The following SLC35F5 variants were observed in gnomAD, a reference collection of about 807,000 sequenced individuals.
The protein encoded by SLC35F5 is solute carrier family 35 member F5, also known as HCV NS5A-transactivated protein 3.
In SLC35F5, 54 loss-of-function variants were observed where a neutral mutation model predicts 68.6. The ratio of observed to expected loss-of-function variants is 0.79; its 90% CI spans 0.63 to 0.99. The LOEUF is 0.99. SLC35F5 is among the 50% of genes least tolerant of loss of function. The pLI, the probability that SLC35F5 is intolerant of heterozygous loss-of-function variation, is 0.00. For synonymous variants in SLC35F5, 211 were observed against 205.2 expected, an observed-to-expected ratio of 1.03 and a Z score of -0.24; for missense variants, 567 against 626.9, an observed-to-expected ratio of 0.90 and a Z score of 1.02.
At chr2:113,704,552 G>A (rs919377248), downstream of SLC35F5, among the ~76,000 whole-genome samples, 4 of 152,144 alleles carry the variant, frequency 2.6e-5, no homozygotes, top group African/African-American at 9.7e-5. Flanking sequence ...CCTGCCCCGC[G>A]GGGAGGCAGC....
intron 10 of SLC35F5, among the ~76,000 whole-genome samples, chr2:113,730,610 T>C (rs917823543): frequency 2.0e-5 from 3 of 152,210 alleles, no homozygotes; most frequent in African/African-American, 7.2e-5. Context: ...AATCTAGGTT[T>C]ATTTTTTATT....
intron 7 of SLC35F5, among the ~76,000 whole-genome samples, chr2:113,740,882 C>A (rs573528159): frequency 6.6e-6 from 1 of 152,114 alleles, no homozygotes; most frequent in Non-Finnish European, 1.5e-5. Flanking sequence ...ACCTCAGCCT[C>A]CCAAAGTGCT....
chr2:113,725,708 TAGAA>T, intron 11 of SLC35F5, 171 bp from the exon 12 acceptor site: 1 of 463,436 alleles, frequency 2.2e-6, no homozygotes, highest in Non-Finnish European at 3.8e-6. Context: ...CTCAACGCCA[TAGAA>T]AAAAAAACTG....
rs1275617511 is a variant in SLC35F5, at chr2:113,711,472, T to C, written c.*3746A>G. On this transcript the variant is annotated 3_prime_UTR_variant, in exon 16 of 16. Coordinates refer to ENST00000245680, the MANE Select transcript of SLC35F5 (RefSeq NM_025181.5). ...CACATACAATGTACCTATGAAATAC[T>C]GTATTATTAGTTATTGTACAGGCAA... Among the ~76,000 whole-genome samples the C allele has an allele frequency of 4.6e-5, 7 of 152,196 alleles. No individual in the cohort carries two copies. Among genetic ancestry groups the C allele is most frequent in the Non-Finnish European group, 8.8e-5 (6 of 68,024 alleles).
At chr2:113,735,627 C>G (rs1318538632) in intron 8 of SLC35F5, 150 bp downstream of exon 8, 4 of 503,014 alleles carry the variant, frequency 8.0e-6, no homozygotes, top group Non-Finnish European at 1.4e-5. Flanking sequence ...TGACTGTATA[C>G]AGATTAAAAG....
rs112020441 is a variant in SLC35F5 at position 113,755,830 on chromosome 2, T to C, written c.41-286A>G. 7,835 of 1,548,250 alleles carry C rather than the reference T, an allele frequency of 5.1e-3. 329 individuals are homozygous for C. In the African/African-American group the frequency reaches 0.087, roughly 17 times the overall value. Reference sequence around the variant, plus strand: ...CTACCAGAAAATAGCTTCTCTGAGTTTCACAAATACGGAACTCCATTCACC... The same window carrying C: ...CTACCAGAAAATAGCTTCTCTGAGTCTCACAAATACGGAACTCCATTCACC... On this transcript the variant is annotated intron_variant, in intron 1 of 15. Coordinates refer to ENST00000245680, the MANE Select transcript of SLC35F5 (RefSeq NM_025181.5).
At chr2:113,721,878 G>C (rs1237439845) in intron 13 of SLC35F5, among the ~76,000 whole-genome samples, 1 of 149,974 alleles carries the variant, frequency 6.7e-6, no homozygotes, top group Non-Finnish European at 1.5e-5. Context: ...TGACAAATAA[G>C]AATTTACTGA....
In SLC35F5 at chr2:113,734,625, T is replaced by TC. The variant is rs1688017499; in HGVS notation, c.880dup (p.Asp294GlyfsTer2). The TC allele has an allele frequency of 6.2e-7, 1 of 1,606,386 alleles. No homozygotes were observed. Among genetic ancestry groups the TC allele is most frequent in the South Asian group, 1.1e-5 (1 of 90,666 alleles). ...TAATAGTTTAGAAAGGGTAAATCTA[T>TC]CTCCACTGTTACTTGGAAATACTGC... On this transcript the variant is annotated frameshift_variant, in exon 9 of 16. Transcript: ENST00000245680. LOFTEE classifies it high-confidence loss of function.
At chr2:113,742,591 A>C in intron 7 of SLC35F5, 101 bp downstream of exon 7, 2 of 1,206,040 alleles carry the variant, frequency 1.7e-6, no homozygotes, top group South Asian at 1.4e-5. Flanking sequence ...ATGATTAAAC[A>C]ACCTAATTGT....
At chr2:113,718,929 A>AAAGAAAG (rs1559318504) in intron 14 of SLC35F5, among the ~76,000 whole-genome samples, 5 of 103,588 alleles carry the variant, frequency 4.8e-5, no homozygotes, top group Admixed American at 8.9e-5. Flanking sequence ...AAGAAAGAAA[A>AAAGAAAG]AGAAAGGAAG....
chr2:113,754,572 C>G (rs1460146831), intron 3 of SLC35F5, among the ~76,000 whole-genome samples: 12 of 152,098 alleles, frequency 7.9e-5, no homozygotes, highest in Admixed American at 7.2e-4. Context: ...CTTGCAAATT[C>G]AAAATGCCAC....
rs189777615 is a variant in SLC35F5, at chr2:113,753,806, A to G, written c.273+1359T>C. Among the ~76,000 whole-genome samples, 32 of 152,330 alleles carry G rather than the reference A, an allele frequency of 2.1e-4. 1 individual carries two copies. The East Asian group carries it at 5.8e-3, about 28-fold the overall frequency. Reference sequence around the variant, plus strand: ...TTTGTCCTAAATTTTATTAACTAATATATAAAAACAAACTATTTATTTTAA... The same window carrying G: ...TTTGTCCTAAATTTTATTAACTAATGTATAAAAACAAACTATTTATTTTAA... On this transcript the variant is annotated intron_variant, in intron 3 of 15. Coordinates refer to ENST00000245680, the MANE Select transcript of SLC35F5 (RefSeq NM_025181.5).
intron 14 of SLC35F5, among the ~76,000 whole-genome samples, chr2:113,718,084 T>A (rs1339099623): frequency 2.0e-5 from 3 of 152,108 alleles, no homozygotes; most frequent in Non-Finnish European, 4.4e-5. Context: ...ACGGTCTCAC[T>A]TTTTGTTTTT....
In SLC35F5 at chr2:113,755,458, T is replaced by A. The variant is rs748511456; in HGVS notation, c.127A>T (p.Thr43Ser). 4.3e-6 allele frequency: 7 copies of A among 1,614,098 alleles called. No individual in the cohort carries two copies. Among genetic ancestry groups the A allele is most frequent in the Non-Finnish European group, 5.1e-6 (6 of 1,179,960 alleles). ...ALEDLRRALK[T>S]RLQMVCVFVM... ...GAGGATAAACGTGGAATCTACCTTG[T>A]CTTAAGAGCCCTTCTGAGATCCTCA... Residue 43 changes from threonine to serine, a missense_variant, in exon 2 of 16, where the codon ACA becomes TCA. Physicochemically the swap from Thr to Ser is moderately conservative, Grantham distance 58. Coordinates refer to ENST00000245680, the MANE Select transcript of SLC35F5 (RefSeq NM_025181.5).
At position 113,756,516 on chromosome 2, in the gene SLC35F5, T is replaced by A; in HGVS notation, c.-107A>T. On this transcript the variant is annotated 5_prime_UTR_variant, in exon 1 of 16. Transcript: ENST00000245680. ...CGCGCCGCACTGGAGGCCCAGCTCC[T>A]GAAGACGCGGTGCCCCTCAGGGAGA... The A allele has an allele frequency of 6.6e-7, 1 of 1,506,680 alleles. No homozygotes were observed. The highest frequency in any genetic ancestry group is 2.5e-5 in the East Asian group (1 of 40,354). The allele number at this position is 1,506,680 out of a possible 1,614,324, so 93.3% of individuals were successfully genotyped here. A position where few individuals can be genotyped will look rare whatever the true frequency, so the allele number is the denominator to read the frequency against.
Position 113,755,517 on chromosome 2 carries a change from C to T in SLC35F5, c.68G>A (p.Arg23Lys). The stretch of plus-strand genomic sequence containing the variant: ...GCCGGAAAACTTGGCAGATCTCAGT[C>T]TAAAAGGAGGTGAAGAACTCAGCAC... The part of the protein sequence containing the change: ...PGVLSSSPPF[R>K]LRSAKFSGIA... Residue 23 changes from arginine (R) to lysine (K), a missense_variant, in exon 2 of 16, where the codon AGA becomes AAA. Physicochemically the swap from Arg to Lys is conservative, Grantham distance 26 (BLOSUM62 2). Coordinates refer to ENST00000245680, the MANE Select transcript of SLC35F5 (RefSeq NM_025181.5). 1.9e-6 allele frequency: 3 copies of T among 1,613,926 alleles called. No homozygotes were observed. Among genetic ancestry groups the T allele is most frequent in the Admixed American group, 1.7e-5 (1 of 59,976 alleles).
At chr2:113,740,439 TG>T (rs1430204552) in intron 7 of SLC35F5, among the ~76,000 whole-genome samples, 7 of 152,368 alleles carry the variant, frequency 4.6e-5, no homozygotes, top group Admixed American at 2.0e-4. Flanking sequence ...TAAATTGTTA[TG>T]TAATAACACT....
chr2:113,738,770 C>T (rs1688182915), intron 7 of SLC35F5, among the ~76,000 whole-genome samples: 1 of 151,992 alleles, frequency 6.6e-6, no homozygotes. Flanking sequence ...ACACTAGCCA[C>T]ACATGGCTAC....
At position 113,756,436 on chromosome 2, in the gene SLC35F5, GC is replaced by G; in HGVS notation, c.-28del. The G allele has an allele frequency of 1.3e-6, 2 of 1,542,340 alleles. No homozygotes were observed. On this transcript the variant is annotated 5_prime_UTR_variant, in exon 1 of 16. Transcript: ENST00000245680. Reference sequence around the variant, plus strand: ...AGCGGACCGGTCAGGCCCCGCAGCCGCCCAGCGCCACGGCCGCGGCCTCGGA... The same window carrying G: ...AGCGGACCGGTCAGGCCCCGCAGCCGCCAGCGCCACGGCCGCGGCCTCGGA...
Sources: allele counts gnomAD v4.1 joint callset (sites outside exome capture counted in the v4.1 genomes callset), GRCh38; gene constraint gnomAD v4.1.1; transcripts MANE v1.5; gene names NCBI Gene and HGNC (gene_info 2026-07-23, HGNC 2026-07-21).